The following ARHGAP25 variants were observed in gnomAD, a reference collection of about 807,000 sequenced individuals.
ARHGAP25 encodes Rho GTPase activating protein 25.
In ARHGAP25, 34 loss-of-function variants were observed where a neutral mutation model predicts 71.0. The observed-to-expected ratio is 0.48, with a 90% CI of 0.36 to 0.64. The LOEUF (loss-of-function observed/expected upper bound fraction) is 0.64. ARHGAP25 is among the 30% of genes least tolerant of loss of function. ARHGAP25 has a pLI of 0.00. For synonymous variants in ARHGAP25, 282 were observed against 296.5 expected, an observed-to-expected ratio of 0.95 and a Z score of 0.50; for missense variants, 706 against 805.1, an observed-to-expected ratio of 0.88 and a Z score of 1.49.
rs544333430 is a variant in ARHGAP25 at position 68,754,275 on chromosome 2, T to C, written c.61+19015T>C. Among the ~76,000 whole-genome samples the C allele has an allele frequency of 2.0e-4, 30 of 149,516 alleles. No individual in the cohort carries two copies. The South Asian group carries it at 6.4e-3, about 32-fold the overall frequency. On this transcript the variant is annotated intron_variant, in intron 1 of 10. Transcript: ENST00000409202. ...CAGCCCCTCTCACCCAGCCCAAACCTTGGACAACCACTCATTTGTTATCTG... is the reference window on the plus strand; with the variant it reads ...CAGCCCCTCTCACCCAGCCCAAACCCTGGACAACCACTCATTTGTTATCTG...
intron 2 of ARHGAP25, among the ~76,000 whole-genome samples, chr2:68,711,159 T>C (rs923618949): frequency 1.3e-5 from 2 of 152,226 alleles, no homozygotes; most frequent in Non-Finnish European, 2.9e-5. Flanking sequence ...CTTCTCCTTT[T>C]ATTTGTAGTG....
intron 4 of ARHGAP25, among the ~76,000 whole-genome samples, chr2:68,801,777 C>T (rs937582923): frequency 6.6e-6 from 1 of 152,046 alleles, no homozygotes; most frequent in African/African-American, 2.4e-5. Context: ...GTGATAACAT[C>T]GAGGAACACA....
upstream of ARHGAP25, among the ~76,000 whole-genome samples, chr2:68,730,539 G>A (rs923765022): frequency 6.6e-6 from 1 of 151,804 alleles, no homozygotes; most frequent in Non-Finnish European, 1.5e-5. Context: ...AGTCCCACCT[G>A]CTCCATAGGC....
At chr2:68,825,911 AG>A (rs1682093056) in intron 10 of ARHGAP25, 75 bp from the exon 11 acceptor site, 1 of 1,254,578 alleles carries the variant, frequency 8.0e-7, no homozygotes, top group African/African-American at 1.5e-5. Flanking sequence ...AATGAGCAGC[AG>A]GTTGTGAGCA....
rs1314415838 is a variant in ARHGAP25, at chr2:68,826,404, G to A, written c.*210G>A. The A allele has an allele frequency of 1.9e-5, 13 of 675,292 alleles. No individual in the cohort carries two copies. The highest frequency in any genetic ancestry group is 8.3e-5 in the East Asian group (3 of 36,140). The allele number at this position is 675,292 out of a possible 1,614,324, so 41.8% of individuals were successfully genotyped here. A position where few individuals can be genotyped will look rare whatever the true frequency, so the allele number is the denominator to read the frequency against. On this transcript the variant is annotated 3_prime_UTR_variant, in exon 11 of 11. Coordinates refer to ENST00000409202, the MANE Select transcript of ARHGAP25 (RefSeq NM_001007231.3). ...GTGTGGACATCTCTGACCATCCATC[G>A]CTGTATTCAAATGGATTGTTTTATT...
chr2:68,822,136 T>G (rs1681732837), intron 9 of ARHGAP25, among the ~76,000 whole-genome samples: 1 of 152,140 alleles, frequency 6.6e-6, no homozygotes, highest in African/African-American at 2.4e-5. Flanking sequence ...TTGGTGAGAC[T>G]TCATCTCTAG....
In ARHGAP25 at chr2:68,826,482, A is replaced by C. The variant is rs748040241; in HGVS notation, c.*288A>C. The stretch of plus-strand genomic sequence containing the variant: ...CCAGTGAAGACATTTGAGGCAGCAC[A>C]TCTCAGGACCCAGGCAATAGACTGG... On this transcript the variant is annotated 3_prime_UTR_variant, in exon 11 of 11. Coordinates refer to ENST00000409202, the MANE Select transcript of ARHGAP25 (RefSeq NM_001007231.3). The C allele has an allele frequency of 3.4e-4, 170 of 495,600 alleles. 1 individual carries two copies. Among genetic ancestry groups the C allele is most frequent in the Non-Finnish European group, 5.6e-4 (150 of 268,452 alleles). The allele number at this position is 495,600 out of a possible 1,614,324, so 30.7% of individuals were successfully genotyped here.
intron 4 of ARHGAP25, among the ~76,000 whole-genome samples, chr2:68,791,972 C>T (rs990275598): frequency 6.6e-6 from 1 of 152,172 alleles, no homozygotes; most frequent in Admixed American, 6.5e-5. Context: ...TCATTCTCAG[C>T]TTACTCCTGC....
chr2:68,728,045 A>G (rs6724788), intron 2 of ARHGAP25, among the ~76,000 whole-genome samples: 89,559 of 151,750 alleles, frequency 0.59, 28,104 homozygotes, highest in East Asian at 0.8. Flanking sequence ...TACATCAGAA[A>G]GATTAAATGG....
At chr2:68,723,511 T>C (rs1558598774) in intron 2 of ARHGAP25, among the ~76,000 whole-genome samples, 1 of 152,224 alleles carries the variant, frequency 6.6e-6, no homozygotes, top group African/African-American at 2.4e-5. Flanking sequence ...TGGTCTGTTG[T>C]ATAATATTAT....
intron 1 of ARHGAP25, among the ~76,000 whole-genome samples, chr2:68,771,398 G>A (rs560664377): frequency 5.3e-4 from 81 of 152,240 alleles, no homozygotes; most frequent in African/African-American, 1.6e-3. Flanking sequence ...GCTTATCATG[G>A]TTATTATTTT....
At chr2:68,825,937 G>A in intron 10 of ARHGAP25, 50 bp from the exon 11 acceptor site, 1 of 1,519,002 alleles carries the variant, frequency 6.6e-7, no homozygotes, top group Admixed American at 1.8e-5. Context: ...GGAAGGAAGA[G>A]TCTAGAATGA....
chr2:68,763,861 C>A (rs1296030025), intron 1 of ARHGAP25, among the ~76,000 whole-genome samples: 1 of 152,060 alleles, frequency 6.6e-6, no homozygotes, highest in African/African-American at 2.4e-5. Flanking sequence ...AGTTTCTAAT[C>A]TTTCTTTTAA....
intron 2 of ARHGAP25, among the ~76,000 whole-genome samples, chr2:68,712,559 T>C (rs1032768490): frequency 6.6e-6 from 1 of 152,214 alleles, no homozygotes; most frequent in African/African-American, 2.4e-5. Flanking sequence ...TTGCTTTTGG[T>C]ATTTTAGTCA....
intron 1 of ARHGAP25, among the ~76,000 whole-genome samples, chr2:68,743,069 C>A (rs914686167): frequency 1.3e-5 from 2 of 152,222 alleles, no homozygotes; most frequent in African/African-American, 4.8e-5. Context: ...AAGTTTCCTG[C>A]AGAATTCCTG....
chr2:68,724,816 T>A (rs1027186515), intron 2 of ARHGAP25, among the ~76,000 whole-genome samples: 5 of 152,204 alleles, frequency 3.3e-5, no homozygotes, highest in Non-Finnish European at 7.3e-5. Context: ...CTCGACCTTG[T>A]CATTTTTCCC....
rs566135175 is a variant in ARHGAP25 at position 68,773,979 on chromosome 2, C to A, written c.62-1242C>A. ...CGAGGCTCAGAGAAGCATAATTTAT[C>A]CACCGTCAAAAAGTCAGGAAAGGTA... On this transcript the variant is annotated intron_variant, in intron 1 of 10. Transcript: ENST00000409202. Among the ~76,000 whole-genome samples, 3 of 152,238 alleles carry A rather than the reference C, an allele frequency of 2.0e-5. No homozygotes were observed. In the South Asian group the frequency reaches 6.2e-4, roughly 32 times the overall value.
chr2:68,784,346 G>A (rs993247203), intron 3 of ARHGAP25, among the ~76,000 whole-genome samples: 1 of 152,136 alleles, frequency 6.6e-6, no homozygotes, highest in African/African-American at 2.4e-5. Context: ...AGAATTTTTA[G>A]TTCCTCTTTT....
chr2:68,723,599 A>C (rs1434069573), intron 2 of ARHGAP25, among the ~76,000 whole-genome samples: 1 of 152,202 alleles, frequency 6.6e-6, no homozygotes, highest in Non-Finnish European at 1.5e-5. Flanking sequence ...TGTGCGGCAC[A>C]GTCCCACACT....
Sources: allele counts gnomAD v4.1 joint callset (sites outside exome capture counted in the v4.1 genomes callset), GRCh38; gene constraint gnomAD v4.1.1; transcripts MANE v1.5; gene names NCBI Gene and HGNC (gene_info 2026-07-23, HGNC 2026-07-21).